FTO: variants seen among roughly 807,000 people sequenced by gnomAD.
FTO encodes the protein FTO alpha-ketoglutarate dependent dioxygenase, also known as alpha-ketoglutarate-dependent dioxygenase FTO.
In FTO, 47 loss-of-function variants were observed where a neutral mutation model predicts 63.9. The ratio of observed to expected loss-of-function variants is 0.74; its 90% CI spans 0.58 to 0.94. FTO has a LOEUF of 0.94. FTO is among the 40% of genes least tolerant of loss of function. The probability of loss-of-function intolerance (pLI) is 0.00; values close to 1 mark genes in which losing one functional copy is unlikely to be tolerated. For synonymous variants in FTO, 207 were observed against 224.4 expected (o/e 0.92, Z 0.69); for missense variants, 562 against 618.1 (o/e 0.91, Z 0.96).
intron 8 of FTO, among the ~76,000 whole-genome samples, chr16:54,049,306 A>G (rs567600674): frequency 3.7e-4 from 57 of 152,308 alleles, no homozygotes; most frequent in African/African-American, 1.3e-3. Context: ...AATGCTGCCA[A>G]TCAGCACAGG....
At chr16:53,997,951 C>T (rs928782484) in intron 8 of FTO, among the ~76,000 whole-genome samples, 3 of 151,950 alleles carry the variant, frequency 2.0e-5, no homozygotes, top group Non-Finnish European at 2.9e-5. Context: ...GTGAGAATTC[C>T]CAGAACCCTT....
intron 8 of FTO, chr16:53,994,428 G>A (rs1192655180): frequency 5.9e-5 from 9 of 151,846 alleles, no homozygotes; most frequent in East Asian, 1.9e-4. Flanking sequence ...TAGCTCGCTC[G>A]TAGCTCACTG....
At position 53,843,667 on chromosome 16, in the gene FTO, T is replaced by A. The variant is rs75423880; in HGVS notation, c.752-488T>A. On this transcript the variant is annotated intron_variant, in intron 3 of 8. Transcript: ENST00000471389. ...ACAGCTTTTCTAGTTACTAACCCCA[T>A]TCATCTAAAAAATGATCCCTTTGGT... is the stretch of plus-strand genomic sequence containing the variant. 1.0e-3 allele frequency among the ~76,000 whole-genome samples: 156 copies of A among 152,278 alleles called. 3 individuals are homozygous for A. The East Asian group carries it at 0.028, about 27-fold the overall frequency.
chr16:53,824,227 C>T (rs546557589), intron 2 of FTO, among the ~76,000 whole-genome samples: 7 of 152,314 alleles, frequency 4.6e-5, no homozygotes, highest in African/African-American at 1.2e-4. Flanking sequence ...ATCTGGCCTC[C>T]GCCTTCCTCT....
intron 7 of FTO, among the ~76,000 whole-genome samples, chr16:53,931,843 A>G (rs1454824144): frequency 2.0e-5 from 3 of 151,352 alleles, no homozygotes; most frequent in Non-Finnish European, 4.4e-5. Context: ...TGAGTTTACA[A>G]GATTTACAAA....
rs1480435783 is a variant in FTO at position 54,118,185 on chromosome 16, T to C, written c.*6270T>C. On this transcript the variant is annotated 3_prime_UTR_variant, in exon 9 of 9. Transcript: ENST00000471389. ...AATGCGGTAGTTTCCTGCTGAGAGA[T>C]GGGAAGTGCTGGCCTAGGACAGCAA... 6.6e-6 allele frequency: 1 copy of C among 152,000 alleles called. No homozygotes were observed. Among genetic ancestry groups the C allele is most frequent in the African/African-American group, 2.4e-5 (1 of 41,366 alleles). The allele number at this position is 152,000 out of a possible 1,614,324, so 9.4% of individuals were successfully genotyped here.
intron 1 of FTO, among the ~76,000 whole-genome samples, chr16:53,711,170 T>C (rs1424287026): frequency 6.6e-6 from 1 of 152,124 alleles, no homozygotes; most frequent in East Asian, 1.9e-4. Context: ...TATGTATATA[T>C]ATATATATGT....
chr16:53,737,283 A>G (rs989923442), intron 1 of FTO, among the ~76,000 whole-genome samples: 1 of 152,264 alleles, frequency 6.6e-6, no homozygotes, highest in Non-Finnish European at 1.5e-5. Flanking sequence ...ACACATATAC[A>G]ATCATGCATT....
rs961906620 is a variant in FTO at position 53,797,912 on chromosome 16, G to A, written c.46-12228G>A. Among the ~76,000 whole-genome samples the A allele has an allele frequency of 4.6e-5, 7 of 151,802 alleles. No individual in the cohort carries two copies. In the East Asian group the frequency reaches 5.8e-4, roughly 13 times the overall value. Reference sequence around the variant, plus strand: ...GTAACTTAAATACTAAAAGAGTTTCGTATGTTTTCTAATACTAGTTTTATA... The same window carrying A: ...GTAACTTAAATACTAAAAGAGTTTCATATGTTTTCTAATACTAGTTTTATA... On this transcript the variant is annotated intron_variant, in intron 1 of 8. Coordinates refer to ENST00000471389, the MANE Select transcript of FTO (RefSeq NM_001080432.3).
chr16:53,843,525 C>G (rs1308727853), intron 3 of FTO, among the ~76,000 whole-genome samples: 5 of 152,054 alleles, frequency 3.3e-5, no homozygotes, highest in Admixed American at 6.6e-5. Flanking sequence ...ATAACATGCT[C>G]AGTTTTAAAT....
rs2086931933 is a variant in FTO at position 54,113,378 on chromosome 16, AG to A, written c.*1464del. On this transcript the variant is annotated 3_prime_UTR_variant, in exon 9 of 9. Transcript: ENST00000471389. The stretch of plus-strand genomic sequence containing the variant: ...GCTTTTGCCTATTGAAGGTGCACTG[AG>A]AATAAACTCTTTCCTGCCACCAGAA... 1 of 152,240 alleles carries A rather than the reference AG, an allele frequency of 6.6e-6. No homozygotes were observed. Among genetic ancestry groups the A allele is most frequent in the Admixed American group, 6.5e-5 (1 of 15,276 alleles). 9.4% of individuals were successfully genotyped at this position (152,240 alleles called of 1,614,324 possible). A position where few individuals can be genotyped will look rare whatever the true frequency, so the allele number is the denominator to read the frequency against.
intron 8 of FTO, among the ~76,000 whole-genome samples, chr16:53,954,162 A>C (rs2082866171): frequency 6.6e-6 from 1 of 152,224 alleles, no homozygotes; most frequent in Admixed American, 6.5e-5. Flanking sequence ...TTGAAATATA[A>C]AAAGACAAGG....
At chr16:53,736,231 C>T (rs1280355091) in intron 1 of FTO, among the ~76,000 whole-genome samples, 1 of 152,082 alleles carries the variant, frequency 6.6e-6, no homozygotes, top group Non-Finnish European at 1.5e-5. Flanking sequence ...TACCGAGGTA[C>T]GTCATCTGTG....
intron 8 of FTO, among the ~76,000 whole-genome samples, chr16:54,009,148 A>C (rs757299740): frequency 6.6e-6 from 1 of 152,148 alleles, no homozygotes; most frequent in Admixed American, 6.5e-5. Context: ...GGGTTGTTAC[A>C]TGGTGGGTGT....
At chr16:53,865,087 C>T (rs1208141709) in intron 4 of FTO, among the ~76,000 whole-genome samples, 1 of 152,084 alleles carries the variant, frequency 6.6e-6, no homozygotes, top group Non-Finnish European at 1.5e-5. Flanking sequence ...GATTTTTCCC[C>T]TAATTATGAC....
chr16:53,942,418 C>A (rs1301757180), intron 8 of FTO, among the ~76,000 whole-genome samples: 1 of 152,120 alleles, frequency 6.6e-6, no homozygotes, highest in Admixed American at 6.5e-5. Flanking sequence ...AGCCACCATT[C>A]CTAATTTGTT....
chr16:53,706,532 A>G (rs1189436100), intron 1 of FTO, among the ~76,000 whole-genome samples: 1 of 152,122 alleles, frequency 6.6e-6, no homozygotes, highest in Admixed American at 6.5e-5. Flanking sequence ...CATACAGTGT[A>G]TACTTTTGGG....
chr16:54,101,863 G>C (rs376125253), intron 8 of FTO, among the ~76,000 whole-genome samples: 2 of 152,286 alleles, frequency 1.3e-5, no homozygotes, highest in East Asian at 3.9e-4. Flanking sequence ...ATTCTGACTG[G>C]TGTGAGATGA....
rs184282760 is a variant in FTO at position 53,893,309 on chromosome 16, C to T, written c.1239+4358C>T. Among the ~76,000 whole-genome samples, 377 of 151,970 alleles carry T rather than the reference C, an allele frequency of 2.5e-3. 4 individuals are homozygous for T. Among genetic ancestry groups the T allele is most frequent in the African/African-American group, 8.8e-3 (366 of 41,440 alleles). ...TTTTTATTTTAATTTTTTTAAAACC[C>T]GATGCACTTCCTACCCCCACCGCCC... On this transcript the variant is annotated intron_variant, in intron 7 of 8. Coordinates refer to ENST00000471389, the MANE Select transcript of FTO (RefSeq NM_001080432.3).
Sources: gnomAD v4.1 joint callset for allele counts (sites outside exome capture counted in the v4.1 genomes callset) on GRCh38, gnomAD v4.1.1 for gene constraint, MANE v1.5 for transcripts, NCBI Gene and HGNC (gene_info 2026-07-23, HGNC 2026-07-21) for gene names.